ADAM20: variants seen among roughly 807,000 people sequenced by gnomAD.
ADAM20 encodes ADAM metallopeptidase domain 20, also known as disintegrin and metalloproteinase domain-containing protein 20.
For missense variants in ADAM20, 871 were observed against 883.2 expected (o/e 0.99, Z 0.18); for synonymous variants, 305 against 310.2 (o/e 0.98, Z 0.18).
Position 70,523,688 on chromosome 14 carries a change from C to T in ADAM20, c.1070G>A (p.Cys357Tyr), listed in dbSNP as rs1213478136. ...TATGCACCACTGTAGCTCGCACACA[C>T]ACCACTGGGTGTCATGTTGCATACC... ...NLGMQHDTQW[C>Y]VCELQWCIMH... The change falls in exon 2 of 2, where the codon TGT becomes TAT. Residue 357 changes from cysteine (C) to tyrosine (Y), a missense_variant. Cys to Tyr is a radical substitution (Grantham distance 194). Coordinates refer to ENST00000256389, the MANE Select transcript of ADAM20 (RefSeq NM_003814.5). The T allele has an allele frequency of 6.2e-7, 1 of 1,614,098 alleles. No individual in the cohort carries two copies. The highest frequency in any genetic ancestry group is 1.7e-5 in the Admixed American group (1 of 59,990).
the ADAM20 span, among the ~76,000 whole-genome samples, chr14:70,557,918 A>T: frequency 6.6e-6 from 1 of 152,212 alleles, no homozygotes; most frequent in Non-Finnish European, 1.5e-5. Context: ...CTTGTATTTA[A>T]TTGAAAGACA....
Position 70,523,105 on chromosome 14 carries a change from A to G in ADAM20, c.1653T>C (p.Tyr551=), listed in dbSNP as rs2139527662. 1.1e-5 allele frequency: 17 copies of G among 1,613,926 alleles called. No individual in the cohort carries two copies. Among genetic ancestry groups the G allele is most frequent in the Non-Finnish European group, 1.4e-5 (16 of 1,179,944 alleles). The part of the protein sequence containing the change: ...FGHCGIVGTT[Y]VKCWTPDIMC... ...TGATATCAGGGGTCCAACATTTTAC[A>G]TATGTTGTGCCTACAATACCACAGT... The change falls in exon 2 of 2, where the codon TAT becomes TAC. Residue 551 remains tyrosine, a synonymous_variant. Coordinates refer to ENST00000256389, the MANE Select transcript of ADAM20 (RefSeq NM_003814.5).
the ADAM20 span, among the ~76,000 whole-genome samples, chr14:70,574,798 C>G: frequency 6.6e-6 from 1 of 151,928 alleles, no homozygotes; most frequent in Non-Finnish European, 1.5e-5. Context: ...AAAAACAAAT[C>G]AAACAAGTGA....
chr14:70,559,168 T>C, the ADAM20 span, among the ~76,000 whole-genome samples: 1 of 152,076 alleles, frequency 6.6e-6, no homozygotes, highest in African/African-American at 2.4e-5. Flanking sequence ...AATAAATATG[T>C]CCAAAGTGAA....
chr14:70,542,112 G>C, the ADAM20 span, among the ~76,000 whole-genome samples: 1 of 149,370 alleles, frequency 6.7e-6, no homozygotes, highest in Non-Finnish European at 1.5e-5. Flanking sequence ...GCTTTTCAAA[G>C]TCAAATAAAC....
chr14:70,553,540 A>AC, the ADAM20 span, among the ~76,000 whole-genome samples: 70 of 148,632 alleles, frequency 4.7e-4, no homozygotes, highest in Non-Finnish European at 8.5e-4. Flanking sequence ...AAAAAAAAAA[A>AC]AAAAAAAACT....
intron 1 of ADAM20, among the ~76,000 whole-genome samples, chr14:70,534,064 G>A (rs1245773441): frequency 1.7e-5 from 2 of 118,488 alleles, no homozygotes; most frequent in African/African-American, 6.4e-5. Context: ...GTCTGGGCGA[G>A]AGAGCAAGAC....
the ADAM20 span, among the ~76,000 whole-genome samples, chr14:70,578,487 G>C: frequency 1.3e-5 from 2 of 152,012 alleles, no homozygotes; most frequent in African/African-American, 2.4e-5. Flanking sequence ...ACAAAAAATA[G>C]ACAAATGAGA....
the ADAM20 span, among the ~76,000 whole-genome samples, chr14:70,567,237 C>T: frequency 1.3e-5 from 2 of 152,130 alleles, no homozygotes; most frequent in African/African-American, 2.4e-5. Context: ...AGGGTTTCTC[C>T]GCCCTTGAGT....
the ADAM20 span, among the ~76,000 whole-genome samples, chr14:70,553,552 G>A: frequency 1.3e-3 from 157 of 117,412 alleles, no homozygotes; most frequent in Non-Finnish European, 1.9e-3. Flanking sequence ...AAAAAAACTA[G>A]CAAACCAAAT....
At chr14:70,567,405 TTAG>T in the ADAM20 span, among the ~76,000 whole-genome samples, 2 of 152,048 alleles carry the variant, frequency 1.3e-5, no homozygotes, top group Non-Finnish European at 2.9e-5. Flanking sequence ...CAAAGTCCCC[TTAG>T]GACAAAGGGA....
chr14:70,525,048 C>A, intron 1 of ADAM20, 115 bp from the exon 2 acceptor site: 7 of 899,790 alleles, frequency 7.8e-6, no homozygotes, highest in Non-Finnish European at 1.2e-5. Flanking sequence ...CATTAGGATT[C>A]TCTTAATACA....
chr14:70,561,768 C>A, the ADAM20 span, among the ~76,000 whole-genome samples: 1 of 152,262 alleles, frequency 6.6e-6, no homozygotes, highest in Non-Finnish European at 1.5e-5. Context: ...CAAGCCTTGG[C>A]AGCTTCCACA....
At chr14:70,541,027 A>G in the ADAM20 span, among the ~76,000 whole-genome samples, 1 of 152,026 alleles carries the variant, frequency 6.6e-6, no homozygotes, top group Non-Finnish European at 1.5e-5. Flanking sequence ...TCTTGACCTC[A>G]TGATCCACCC....
chr14:70,525,361 G>T (rs1184600460), intron 1 of ADAM20, among the ~76,000 whole-genome samples: 1 of 151,970 alleles, frequency 6.6e-6, no homozygotes, highest in Non-Finnish European at 1.5e-5. Context: ...GGCATGCATT[G>T]CAACAGCCAG....
At chr14:70,563,366 A>T in the ADAM20 span, among the ~76,000 whole-genome samples, 2 of 152,194 alleles carry the variant, frequency 1.3e-5, no homozygotes, top group Non-Finnish European at 2.9e-5. Flanking sequence ...TGACATCAAG[A>T]TGGCAGAGCA....
At position 70,522,529 on chromosome 14, in the gene ADAM20, A is replaced by G. The variant is rs889351428; in HGVS notation, c.*48T>C. The G allele has an allele frequency of 1.4e-6, 2 of 1,450,946 alleles. No homozygotes were observed. The highest frequency in any genetic ancestry group is 1.8e-6 in the Non-Finnish European group (2 of 1,097,158). The allele number at this position is 1,450,946 out of a possible 1,614,324, so 89.9% of individuals were successfully genotyped here. On this transcript the variant is annotated 3_prime_UTR_variant, in exon 2 of 2. Coordinates refer to ENST00000256389, the MANE Select transcript of ADAM20 (RefSeq NM_003814.5). ...ATATTTTTCTATTAAAAAATTGGAT[A>G]TTAAAAATGAAGTATAAAGTTTAGT...
At chr14:70,562,293 G>A in the ADAM20 span, among the ~76,000 whole-genome samples, 1 of 152,178 alleles carries the variant, frequency 6.6e-6, no homozygotes, top group Non-Finnish European at 1.5e-5. Context: ...CTTTGTGTTG[G>A]CCAATTTCTC....
rs2139526596 is a variant in ADAM20 at position 70,522,619 on chromosome 14, A to T, written c.2139T>A (p.Leu713=). The part of the protein sequence containing the change: ...VAFLLFCLHV[L]FKKRTKSKED... ...CTTTACTTTTTGTGCGTTTCTTAAA[A>T]AGCACATGTAAGCAAAATAATAAAA... The change falls in exon 2 of 2, where the codon CTT becomes CTA. Residue 713 remains leucine (L), a synonymous_variant. Transcript: ENST00000256389. 1 of 1,612,746 alleles carries T rather than the reference A, an allele frequency of 6.2e-7. No individual in the cohort carries two copies. Among genetic ancestry groups the T allele is most frequent in the East Asian group, 2.2e-5 (1 of 44,870 alleles).
Sources: allele counts gnomAD v4.1 joint callset (sites outside exome capture counted in the v4.1 genomes callset), GRCh38; gene constraint gnomAD v4.1.1; transcripts MANE v1.5; gene names NCBI Gene and HGNC (gene_info 2026-07-23, HGNC 2026-07-21).